The following UBASH3B variants were observed in gnomAD, a reference collection of about 807,000 sequenced individuals.
UBASH3B encodes ubiquitin-associated and SH3 domain-containing protein B.
A neutral mutation model predicts 83.4 loss-of-function variants in UBASH3B; 37 were observed. That is an observed-to-expected ratio of 0.44 (90% confidence interval 0.34 to 0.58). The LOEUF is 0.58. Ranked by LOEUF, UBASH3B falls within the 20% of genes least tolerant of loss-of-function variation. UBASH3B has a pLI of 0.01. For missense variants in UBASH3B, 657 were observed against 827.2 expected (o/e 0.79, Z 2.52); for synonymous variants, 304 against 318.3 (o/e 0.96, Z 0.48).
At chr11:122,763,583 C>G (rs1018249388) in intron 1 of UBASH3B, among the ~76,000 whole-genome samples, 3 of 152,122 alleles carry the variant, frequency 2.0e-5, no homozygotes, top group Non-Finnish European at 4.4e-5. Context: ...AAACCCAGAG[C>G]CTTTTTCTCC....
In UBASH3B at chr11:122,796,194, A is replaced by ATGCCTTTT; in HGVS notation, c.1155_1162dup (p.Val388AlafsTer35). 6.2e-7 allele frequency: 1 copy of ATGCCTTTT among 1,614,108 alleles called. No homozygotes were observed. The highest frequency in any genetic ancestry group is 8.5e-7 in the Non-Finnish European group (1 of 1,179,998). ...ACAGCCAGCCCGGCCCCCAGAAGCG[A>ATGCCTTTT]TGCCTTTTTGTGTGTCGGCATGGTG... On this transcript the variant is annotated frameshift_variant, in exon 8 of 14. Transcript: ENST00000284273. LOFTEE classifies it high-confidence loss of function.
intron 2 of UBASH3B, 35 bp downstream of exon 2, chr11:122,776,307 T>C (rs1860733515): frequency 6.3e-7 from 1 of 1,580,542 alleles, no homozygotes; most frequent in Non-Finnish European, 8.6e-7. Context: ...GAAAATAGCA[T>C]ATAATTAACT....
At chr11:122,705,541 C>T (rs749799254) in intron 1 of UBASH3B, among the ~76,000 whole-genome samples, 4 of 151,998 alleles carry the variant, frequency 2.6e-5, no homozygotes, top group East Asian at 1.9e-4. Flanking sequence ...ACCCATTGCC[C>T]GAGGGCCAGC....
At chr11:122,678,200 A>G (rs1226258073) in intron 1 of UBASH3B, among the ~76,000 whole-genome samples, 1 of 152,230 alleles carries the variant, frequency 6.6e-6, no homozygotes, top group East Asian at 1.9e-4. Context: ...ATGAATTTTA[A>G]GAGGAAACAA....
At chr11:122,767,662 A>C (rs1860574227) in intron 1 of UBASH3B, among the ~76,000 whole-genome samples, 1 of 152,204 alleles carries the variant, frequency 6.6e-6, no homozygotes, top group Non-Finnish European at 1.5e-5. Flanking sequence ...ACTAAGGGAC[A>C]AAACTTTACC....
intron 1 of UBASH3B, among the ~76,000 whole-genome samples, chr11:122,705,719 A>C (rs940786507): frequency 6.6e-6 from 1 of 152,128 alleles, no homozygotes; most frequent in African/African-American, 2.4e-5. Flanking sequence ...TCATGGGGGC[A>C]TCCACTGCCA....
intron 13 of UBASH3B, among the ~76,000 whole-genome samples, chr11:122,808,491 G>A (rs1861380656): frequency 6.6e-6 from 1 of 152,180 alleles, no homozygotes; most frequent in South Asian, 2.1e-4. Context: ...GGGAACTTGG[G>A]TTGGATCAAT....
chr11:122,786,143 G>GCCTCCCAA (rs1860946848), intron 5 of UBASH3B, among the ~76,000 whole-genome samples: 1 of 152,070 alleles, frequency 6.6e-6, no homozygotes, highest in Non-Finnish European at 1.5e-5. Context: ...TCCGCCTCCT[G>GCCTCCCAA]GGTTCACGCC....
At chr11:122,802,285 A>G (rs1431755107) in intron 11 of UBASH3B, among the ~76,000 whole-genome samples, 1 of 141,904 alleles carries the variant, frequency 7.0e-6, no homozygotes, top group African/African-American at 2.6e-5. Context: ...ACTGCACTCC[A>G]GCCTGGTGAC....
At chr11:122,793,040 A>G (rs1861087228) in intron 6 of UBASH3B, among the ~76,000 whole-genome samples, 1 of 152,146 alleles carries the variant, frequency 6.6e-6, no homozygotes, top group South Asian at 2.1e-4. Flanking sequence ...TTTACTAACA[A>G]CCAGTTTGCT....
At chr11:122,732,996 C>A (rs1008967081) in intron 1 of UBASH3B, among the ~76,000 whole-genome samples, 1 of 152,220 alleles carries the variant, frequency 6.6e-6, no homozygotes, top group African/African-American at 2.4e-5. Context: ...TACATAATAT[C>A]AAGCAGAAAG....
intron 1 of UBASH3B, among the ~76,000 whole-genome samples, chr11:122,677,500 A>G (rs1323865416): frequency 6.6e-6 from 1 of 152,120 alleles, no homozygotes; most frequent in Non-Finnish European, 1.5e-5. Context: ...CTGGTGGAGC[A>G]CTTACCATTA....
At chr11:122,769,772 AG>A (rs1438766956) in intron 1 of UBASH3B, among the ~76,000 whole-genome samples, 1 of 152,244 alleles carries the variant, frequency 6.6e-6, no homozygotes, top group East Asian at 1.9e-4. Flanking sequence ...CTCTTCAACC[AG>A]GGAAAAGAGG....
At chr11:122,738,219 C>T (rs890029988) in intron 1 of UBASH3B, among the ~76,000 whole-genome samples, 1 of 152,128 alleles carries the variant, frequency 6.6e-6, no homozygotes, top group Non-Finnish European at 1.5e-5. Flanking sequence ...TAAGTTGGAA[C>T]GATTGCATTG....
At chr11:122,727,847 CAA>C (rs781408808) in intron 1 of UBASH3B, among the ~76,000 whole-genome samples, 4 of 152,062 alleles carry the variant, frequency 2.6e-5, no homozygotes, top group Non-Finnish European at 4.4e-5. Context: ...CCCAAAGACC[CAA>C]AGAGACTTTG....
intron 1 of UBASH3B, among the ~76,000 whole-genome samples, chr11:122,750,611 C>G (rs1374417068): frequency 6.6e-6 from 1 of 152,158 alleles, no homozygotes; most frequent in African/African-American, 2.4e-5. Flanking sequence ...AAGTTAAGAA[C>G]CCAGATACTG....
intron 1 of UBASH3B, among the ~76,000 whole-genome samples, chr11:122,696,786 G>A (rs1428394871): frequency 6.6e-5 from 10 of 152,188 alleles, no homozygotes; most frequent in Admixed American, 5.2e-4. Context: ...CAGAATACAC[G>A]GAGAGCACCC....
chr11:122,737,750 G>A (rs996126167), intron 1 of UBASH3B, among the ~76,000 whole-genome samples: 7 of 151,600 alleles, frequency 4.6e-5, no homozygotes, highest in Non-Finnish European at 1.0e-4. Flanking sequence ...TTTAGTGCAA[G>A]CAAGATATTC....
At chr11:122,750,444 C>T (rs1485882993) in intron 1 of UBASH3B, among the ~76,000 whole-genome samples, 1 of 152,228 alleles carries the variant, frequency 6.6e-6, no homozygotes, top group Non-Finnish European at 1.5e-5. Flanking sequence ...GCTACAACAA[C>T]TTCACCTTAG....
Sources: allele counts gnomAD v4.1 joint callset (sites outside exome capture counted in the v4.1 genomes callset), GRCh38; gene constraint gnomAD v4.1.1; transcripts MANE v1.5; gene names NCBI Gene and HGNC (gene_info 2026-07-23, HGNC 2026-07-21).